The following TDG variants were observed in gnomAD, a reference collection of about 807,000 sequenced individuals.
TDG encodes thymine DNA glycosylase, also known as G/T mismatch-specific thymine DNA glycosylase.
TDG carries 23 observed loss-of-function variants against 46.1 expected under a neutral mutation model. That is an observed-to-expected ratio of 0.50 (90% CI 0.36 to 0.71). The LOEUF (loss-of-function observed/expected upper bound fraction) is 0.71, where lower values mean the gene tolerates loss of function less well. TDG is among the 30% of genes least tolerant of loss of function. The probability of loss-of-function intolerance (pLI) is 0.00; values close to 1 mark genes in which losing one functional copy is unlikely to be tolerated. For synonymous variants in TDG, 115 were observed against 161.3 expected (o/e 0.71, Z 2.18); for missense variants, 304 against 486.7 (o/e 0.62, Z 3.53).
Position 103,988,619 on chromosome 12 carries a change from T to C in TDG, c.*1529T>C, listed in dbSNP as rs1175288177. On this transcript the variant is annotated 3_prime_UTR_variant, in exon 10 of 10. Transcript: ENST00000392872. ...CTTTGGTATATAACTATTGTAGCTT[T>C]ACAAGAGATTGTTTTATTTGAATGG... 2 of 152,736 alleles carry C rather than the reference T, an allele frequency of 1.3e-5. No individual in the cohort carries two copies. Among genetic ancestry groups the C allele is most frequent in the Admixed American group, 1.3e-4 (2 of 15,294 alleles). The allele number at this position is 152,736 out of a possible 1,614,324, so 9.5% of individuals were successfully genotyped here.
chr12:103,986,876 C>G, intron 9 of TDG, 72 bp from the exon 10 acceptor site: 1 of 1,542,282 alleles, frequency 6.5e-7, no homozygotes, highest in African/African-American at 1.4e-5. Flanking sequence ...TAGAGTAAGA[C>G]CCAGTCTCTA....
intron 1 of TDG, among the ~76,000 whole-genome samples, chr12:103,975,137 TAC>T (rs1199428175): frequency 1.3e-5 from 2 of 152,252 alleles, no homozygotes; most frequent in Non-Finnish European, 2.9e-5. Flanking sequence ...AATATGTGTT[TAC>T]TTCTCTGGTT....
intron 2 of TDG, among the ~76,000 whole-genome samples, chr12:103,977,385 T>C (rs2576943): frequency 0.9 from 136,935 of 152,234 alleles, 61,679 homozygotes; most frequent in East Asian, 1. Flanking sequence ...GCTCAGAGGC[T>C]GCTTCCCAGA....
At chr12:103,985,018 CAT>C (rs1872052701) in intron 8 of TDG, 98 bp downstream of exon 8, 20 of 974,010 alleles carry the variant, frequency 2.1e-5, no homozygotes, top group Non-Finnish European at 2.8e-5. Context: ...TACATATACA[CAT>C]ATACATATGT....
chr12:103,968,139 A>G (rs1350906704), intron 1 of TDG, among the ~76,000 whole-genome samples: 4 of 152,174 alleles, frequency 2.6e-5, no homozygotes, highest in Non-Finnish European at 5.9e-5. Flanking sequence ...CTTTATTTCA[A>G]TGGCAAAATA....
intron 2 of TDG, among the ~76,000 whole-genome samples, chr12:103,979,313 A>G (rs1871699932): frequency 6.6e-6 from 1 of 152,050 alleles, no homozygotes; most frequent in Non-Finnish European, 1.5e-5. Context: ...CATGTTGGCC[A>G]GGCTGGTCTT....
At chr12:103,970,056 G>A (rs879144702) in intron 1 of TDG, among the ~76,000 whole-genome samples, 3 of 152,114 alleles carry the variant, frequency 2.0e-5, no homozygotes, top group Non-Finnish European at 2.9e-5. Context: ...TGGTGCTATC[G>A]CATCATAATT....
chr12:103,977,651 T>C lies in TDG; in HGVS notation c.166+591T>C, dbSNP rs4135089. ...ATCCCAAAGAATTTATATTCTATCA[T>C]GAAGGCAATAGGGAGCTGTTGAGAG... is the stretch of plus-strand genomic sequence containing the variant. On this transcript the variant is annotated intron_variant, in intron 2 of 9. Coordinates refer to ENST00000392872, the MANE Select transcript of TDG (RefSeq NM_003211.6). Among the ~76,000 whole-genome samples, 1,191 of 152,296 alleles carry C rather than the reference T, an allele frequency of 7.8e-3. 10 individuals are homozygous for C. The highest frequency in any genetic ancestry group is 0.013 in the Non-Finnish European group (863 of 68,020).
chr12:103,982,413 G>T (rs1282522739), intron 4 of TDG, among the ~76,000 whole-genome samples: 2 of 152,118 alleles, frequency 1.3e-5, no homozygotes, highest in East Asian at 3.9e-4. Flanking sequence ...ATATTCTTGG[G>T]CAGGCATTTG....
chr12:103,986,829 G>C (rs1374935775), intron 9 of TDG, 119 bp from the exon 10 acceptor site: 2 of 1,085,208 alleles, frequency 1.8e-6, no homozygotes, highest in Admixed American at 4.2e-5. Context: ...AGGCTGCAAA[G>C]AGCTGTGATC....
chr12:103,974,832 G>T (rs1871449640), intron 1 of TDG, among the ~76,000 whole-genome samples: 1 of 151,900 alleles, frequency 6.6e-6, no homozygotes, highest in Non-Finnish European at 1.5e-5. Context: ...AATTAGCTGG[G>T]TGTGGTGGTG....
Position 103,974,012 on chromosome 12 carries a change from A to G in TDG, c.24-2906A>G, listed in dbSNP as rs372823021. 6.6e-5 allele frequency among the ~76,000 whole-genome samples: 10 copies of G among 152,106 alleles called. No homozygotes were observed. In the East Asian group the frequency reaches 7.7e-4, roughly 12 times the overall value. On this transcript the variant is annotated intron_variant, in intron 1 of 9. Transcript: ENST00000392872. ...CTCATTCTTAATCTTTGCTTTACCA[A>G]CCTACCCTTAAAGATAGCTGGAAGT...
At chr12:103,980,370 A>C in intron 3 of TDG, 1 of 333,224 alleles carries the variant, frequency 3.0e-6, no homozygotes, top group South Asian at 4.2e-5. Flanking sequence ...CCACCCCCCG[A>C]TAGGGTTGCA....
chr12:103,986,877 C>T lies in TDG; in HGVS notation c.1091-71C>T, dbSNP rs138312903. On this transcript the variant is annotated intron_variant, in intron 9 of 9. Coordinates refer to ENST00000392872, the MANE Select transcript of TDG (RefSeq NM_003211.6). ...TCCAGCCTGGGCGATAGAGTAAGAC[C>T]CAGTCTCTACTTTAAAAAAAGCAAA... 4.4e-4 allele frequency: 680 copies of T among 1,544,816 alleles called. 2 individuals carry two copies. In the African/African-American group the frequency reaches 8.6e-3, roughly 19 times the overall value.
intron 1 of TDG, 68 bp downstream of exon 1, chr12:103,966,128 C>G (rs1032914771): frequency 7.0e-5 from 99 of 1,413,364 alleles, no homozygotes; most frequent in Admixed American, 1.8e-4. Context: ...CTGGCGCGCG[C>G]GCGCGCACGC....
intron 2 of TDG, among the ~76,000 whole-genome samples, chr12:103,978,100 A>C (rs1338072304): frequency 6.6e-6 from 1 of 152,026 alleles, no homozygotes; most frequent in Non-Finnish European, 1.5e-5. Flanking sequence ...CAAAACTTGG[A>C]GTCAAGGAGT....
Position 103,985,746 on chromosome 12 carries a change from T to A in TDG, c.1090+18T>A, listed in dbSNP as rs746611270. ...TGGGCTAAGTATGGTTCCCTCCACA[T>A]GTGTATTCCTTTCAAAGACGGTTTG... On this transcript the variant is annotated intron_variant, in intron 9 of 9. Transcript: ENST00000392872. The A allele has an allele frequency of 1.2e-5, 13 of 1,063,148 alleles. No homozygotes were observed. The highest frequency in any genetic ancestry group is 1.4e-5 in the Non-Finnish European group (12 of 856,258). The allele number at this position is 1,063,148 out of a possible 1,614,324, so 65.9% of individuals were successfully genotyped here.
At position 103,966,392 on chromosome 12, in the gene TDG, C is replaced by T. The variant is rs561207563; in HGVS notation, c.23+332C>T. Among the ~76,000 whole-genome samples the T allele has an allele frequency of 5.9e-5, 9 of 152,300 alleles. No homozygotes were observed. The East Asian group carries it at 9.7e-4, about 16-fold the overall frequency. On this transcript the variant is annotated intron_variant, in intron 1 of 9. Coordinates refer to ENST00000392872, the MANE Select transcript of TDG (RefSeq NM_003211.6). ...GCCATTCTTGGCTAGAAGGGTTTTC[C>T]GTCACCCTCCATTACCACGCAGAGA...
At chr12:103,984,692 T>C in intron 7 of TDG, 57 bp from the exon 8 acceptor site, 1 of 1,309,460 alleles carries the variant, frequency 7.6e-7, no homozygotes, top group South Asian at 2.1e-5. Flanking sequence ...CTAATCTCAA[T>C]GAGTGAATTC....
Sources: allele counts gnomAD v4.1 joint callset (sites outside exome capture counted in the v4.1 genomes callset), GRCh38; gene constraint gnomAD v4.1.1; transcripts MANE v1.5; gene names NCBI Gene and HGNC (gene_info 2026-07-23, HGNC 2026-07-21).